Variants in USP9Y observed in about 807,000 individuals in gnomAD.
The protein encoded by USP9Y is ubiquitin specific peptidase 9 Y-linked, also known as ubiquitin carboxyl-terminal hydrolase 9Y.
A neutral mutation model predicts 53.1 loss-of-function variants in USP9Y; 41 were observed. That is an observed-to-expected ratio of 0.77 (90% confidence interval 0.60 to 1.00). USP9Y has a LOEUF of 1.00. Ranked by LOEUF, USP9Y falls within the 50% of genes least tolerant of loss-of-function variation. USP9Y has a pLI of 0.00. For missense variants in USP9Y, 567 were observed against 535.8 expected, an observed-to-expected ratio of 1.06 and a Z score of -0.58; for synonymous variants, 220 against 173.7, an observed-to-expected ratio of 1.27 and a Z score of -2.09.
intron 27 of USP9Y, among the ~76,000 whole-genome samples, chrY:12,804,687 G>A: frequency 3.0e-5 from 1 of 33,336 alleles, no homozygotes; most frequent in Non-Finnish European, 7.4e-5. Flanking sequence ...TCTGGCCTCT[G>A]AGGTGTCTGA....
intron 26 of USP9Y, 93 bp from the exon 27 acceptor site, chrY:12,792,939 C>T: frequency 3.3e-6 from 1 of 301,429 alleles, no homozygotes; most frequent in South Asian, 3.2e-5. Flanking sequence ...ATGGTCTTTA[C>T]CAAGTAGGCA....
chrY:12,786,159 C>T, intron 22 of USP9Y, 44 bp from the exon 23 acceptor site: 1 of 383,077 alleles, frequency 2.6e-6, no homozygotes, highest in Admixed American at 7.9e-5. Context: ...ATTAATAACA[C>T]GTGAGTTACA....
At chrY:12,726,831 T>A (rs1343325186) in intron 7 of USP9Y, 38 bp downstream of exon 7, 42 of 345,865 alleles carry the variant, frequency 1.2e-4, no homozygotes, top group Non-Finnish European at 1.7e-4. Context: ...AAATATTAAT[T>A]TTTTTATTTG....
chrY:12,726,797 C>A lies in USP9Y; in HGVS notation c.657+4C>A. On this transcript the variant is annotated splice_donor_region_variant and intron_variant, in intron 7 of 45. Coordinates refer to ENST00000338981, the MANE Select transcript of USP9Y (RefSeq NM_004654.4). Reference sequence around the variant, plus strand: ...TTCAGATCCTCGATCACCAAAAGTGCGTTGGTTTGTTATTTTCAAGATTAA... The same window carrying A: ...TTCAGATCCTCGATCACCAAAAGTGAGTTGGTTTGTTATTTTCAAGATTAA... 2.6e-6 allele frequency: 1 copy of A among 390,959 alleles called. No individual in the cohort carries two copies. The highest frequency in any genetic ancestry group is 7.4e-5 in the Admixed American group (1 of 13,492).
At position 12,847,244 on chromosome Y, in the gene USP9Y, A is replaced by T; in HGVS notation, c.6981A>T (p.Ala2327=). 2.5e-6 allele frequency: 1 copy of T among 393,541 alleles called. No individual in the cohort carries two copies. The highest frequency in any genetic ancestry group is 3.6e-6 in the Non-Finnish European group (1 of 278,856). The change falls in exon 42 of 46, where the codon GCA becomes GCT. Residue 2327 remains alanine (A), a synonymous_variant. Transcript: ENST00000338981. ...TATCTCTTACCTATTTGTAGGTTGC[A>T]TATTCATATACCTATGAACTTCGGC... The part of the protein sequence containing the change: ...TVLSELLWQV[A]YSYTYELRPY...
At chrY:12,753,106 A>C (rs544934874) in intron 12 of USP9Y, among the ~76,000 whole-genome samples, 54 of 33,473 alleles carry the variant, frequency 1.6e-3, no homozygotes, top group African/African-American at 6.2e-3. Context: ...CGTCCTGAGT[A>C]GCTAGGACTA....
chrY:12,743,928 T>C (rs2053458603), intron 12 of USP9Y, among the ~76,000 whole-genome samples: 1 of 32,349 alleles, frequency 3.1e-5, no homozygotes, highest in Non-Finnish European at 7.6e-5. Flanking sequence ...TTTATGTTTT[T>C]ATTTTGTGTT....
intron 1 of USP9Y, among the ~76,000 whole-genome samples, chrY:12,703,572 C>A: frequency 3.0e-5 from 1 of 33,572 alleles, no homozygotes; most frequent in Admixed American, 2.7e-4. Flanking sequence ...AAGCCGCAGA[C>A]CCTCATGGTG....
chrY:12,747,380 T>C (rs2053461392), intron 12 of USP9Y, among the ~76,000 whole-genome samples: 1 of 33,547 alleles, frequency 3.0e-5, no homozygotes, highest in Non-Finnish European at 7.4e-5. Flanking sequence ...TTGCACCTTA[T>C]CTGTTTTCTC....
rs2053583467 is a variant in USP9Y at position 12,860,791 on chromosome Y, T to G, written c.*1375T>G. 23 of 34,329 alleles carry G rather than the reference T, an allele frequency of 6.7e-4. No individual in the cohort carries two copies. Among genetic ancestry groups the G allele is most frequent in the Admixed American group, 2.4e-3 (9 of 3,736 alleles). 8.6% of individuals were successfully genotyped at this position (34,329 alleles called of 400,897 possible). A position where few individuals can be genotyped will look rare whatever the true frequency, so the allele number is the denominator to read the frequency against. ...ATACTATTTAAATGTTTGGCTGTTT[T>G]GTTTTATAGAAATTATTTTGCTGAA... On this transcript the variant is annotated 3_prime_UTR_variant, in exon 46 of 46. Transcript: ENST00000338981.
At chrY:12,716,242 G>C in intron 3 of USP9Y, among the ~76,000 whole-genome samples, 2 of 33,980 alleles carry the variant, frequency 5.9e-5, no homozygotes, top group Non-Finnish European at 1.5e-4. Flanking sequence ...TAATACAATG[G>C]TAAGTTCTAA....
In USP9Y at chrY:12,776,857, C is replaced by T. The variant is rs769547633; in HGVS notation, c.2636C>T (p.Ser879Leu). 5.1e-6 allele frequency: 2 copies of T among 391,387 alleles called. No individual in the cohort carries two copies. Among genetic ancestry groups the T allele is most frequent in the South Asian group, 6.0e-5 (2 of 33,556 alleles). Residue 879 changes from serine (S) to leucine (L), a missense_variant, in exon 19 of 46, where the codon TCG becomes TTG. Ser to Leu is a moderately radical substitution (Grantham distance 145). Transcript: ENST00000338981. Reference protein sequence around the residue: ...YHKERMILPMSRAFRGKHLSL... With the variant: ...YHKERMILPMLRAFRGKHLSL... ...AAGGAAAGAATGATTCTACCTATGT[C>T]GAGGTTTGTGTGAAGTTGATCTCTA...
At chrY:12,816,800 C>G in intron 32 of USP9Y, among the ~76,000 whole-genome samples, 1 of 33,897 alleles carries the variant, frequency 3.0e-5, no homozygotes, top group Non-Finnish European at 7.3e-5. Context: ...TGTTTCTCAG[C>G]TAATGCTTCA....
At chrY:12,856,557 G>A in intron 43 of USP9Y, 61 bp downstream of exon 43, 1 of 389,785 alleles carries the variant, frequency 2.6e-6, no homozygotes, top group Non-Finnish European at 3.6e-6. Context: ...AAATGATCGT[G>A]AAATTTTTGT....
At chrY:12,788,276 A>G in intron 24 of USP9Y, among the ~76,000 whole-genome samples, 1 of 33,603 alleles carries the variant, frequency 3.0e-5, no homozygotes, top group South Asian at 6.7e-4. Flanking sequence ...TTCTTTTGCT[A>G]CTGAGTTGAA....
intron 26 of USP9Y, among the ~76,000 whole-genome samples, chrY:12,791,990 C>T: frequency 3.0e-5 from 1 of 33,600 alleles, no homozygotes; most frequent in Non-Finnish European, 7.4e-5. Flanking sequence ...TACCTGGCGT[C>T]GGGCACAGTG....
intron 35 of USP9Y, 134 bp from the exon 36 acceptor site, chrY:12,839,730 G>A: frequency 2.2e-5 from 4 of 181,081 alleles, no homozygotes; most frequent in Non-Finnish European, 3.8e-5. Flanking sequence ...TACCCTGATG[G>A]TATTTATTTT....
At chrY:12,813,417 T>A in intron 31 of USP9Y, among the ~76,000 whole-genome samples, 1 of 33,549 alleles carries the variant, frequency 3.0e-5, no homozygotes, top group African/African-American at 1.2e-4. Flanking sequence ...AGTTGCTTAA[T>A]GTTATTTTAG....
intron 1 of USP9Y, among the ~76,000 whole-genome samples, chrY:12,707,741 CTTTT>C: frequency 4.0e-5 from 1 of 24,926 alleles, no homozygotes; most frequent in Admixed American, 3.7e-4. Flanking sequence ...TAATTTTTTT[CTTTT>C]TTTTTTTTTT....
Sources: allele counts gnomAD v4.1 joint callset (sites outside exome capture counted in the v4.1 genomes callset), GRCh38; gene constraint gnomAD v4.1.1; transcripts MANE v1.5; gene names NCBI Gene and HGNC (gene_info 2026-07-23, HGNC 2026-07-21).